Variants in ULBP1 observed in about 807,000 individuals in gnomAD.
ULBP1 encodes the protein UL16 binding protein 1.
Under a neutral mutation model 25.3 loss-of-function variants are expected in ULBP1, and 28 were observed. The observed-to-expected ratio is 1.10, with a 90% CI of 0.82 to 1.51. The LOEUF is 1.51. ULBP1 is among the 40% of genes most tolerant of loss of function. The probability of loss-of-function intolerance (pLI) is 0.00; values close to 1 mark genes in which losing one functional copy is unlikely to be tolerated. For missense variants in ULBP1, 348 were observed against 290.9 expected (o/e 1.20, Z -1.43); for synonymous variants, 129 against 103.0 (o/e 1.25, Z -1.53).
intron 4 of ULBP1, among the ~76,000 whole-genome samples, chr6:149,971,013 C>A (rs949151138): frequency 6.6e-6 from 1 of 152,232 alleles, no homozygotes; most frequent in Non-Finnish European, 1.5e-5. Context: ...TACAAGCCCA[C>A]CCAAGGCCAG....
intron 3 of ULBP1, among the ~76,000 whole-genome samples, 200 bp downstream of exon 3, chr6:149,969,560 C>T (rs1582827268): frequency 1.3e-5 from 2 of 152,088 alleles, no homozygotes; most frequent in Non-Finnish European, 2.9e-5. Context: ...TTCCTCACTG[C>T]ACCTGCTTCT....
chr6:149,972,506 T>C lies in ULBP1; in HGVS notation c.*1160T>C, dbSNP rs1257632741. On this transcript the variant is annotated 3_prime_UTR_variant, in exon 5 of 5. Coordinates refer to ENST00000229708, the MANE Select transcript of ULBP1 (RefSeq NM_025218.4). ...TGCAACAAAAACAGAAATTGACAAA[T>C]GGGGCCTCATTAAACTAAAGAGCTT... The C allele has an allele frequency of 6.6e-6, 1 of 151,980 alleles. No individual in the cohort carries two copies. Among genetic ancestry groups the C allele is most frequent in the Non-Finnish European group, 1.5e-5 (1 of 67,988 alleles). 9.4% of individuals were successfully genotyped at this position (151,980 alleles called of 1,614,324 possible). A position where few individuals can be genotyped will look rare whatever the true frequency, so the allele number is the denominator to read the frequency against.
rs1418770323 is a variant in ULBP1 at position 149,964,009 on chromosome 6, G to T, written c.-41G>T. 5 of 1,606,922 alleles carry T rather than the reference G, an allele frequency of 3.1e-6. No homozygotes were observed. Among genetic ancestry groups the T allele is most frequent in the Admixed American group, 1.7e-5 (1 of 59,858 alleles). On this transcript the variant is annotated 5_prime_UTR_variant, in exon 1 of 5. Transcript: ENST00000229708. ...ACAGCCGTGGTGTGAGCCTCGAAGG[G>T]AACCATCAGCGCCTCCTGTCCACGG...
At chr6:149,971,339 A>T (rs1222228161) in intron 4 of ULBP1, 30 bp from the exon 5 acceptor site, 1 of 985,330 alleles carries the variant, frequency 1.0e-6, no homozygotes, top group African/African-American at 1.7e-5. Flanking sequence ...TTTCTCAGCC[A>T]CTTAAACCAA....
intron 1 of ULBP1, 23 bp from the exon 2 acceptor site, chr6:149,968,584 C>A (rs770578070): frequency 6.3e-7 from 1 of 1,593,778 alleles, no homozygotes; most frequent in Non-Finnish European, 8.6e-7. Context: ...ACACCAACCC[C>A]CTCCTGTGTT....
chr6:149,971,553 C>T lies in ULBP1; in HGVS notation c.*207C>T, dbSNP rs373776259. The T allele has an allele frequency of 4.3e-6, 1 of 233,644 alleles. No homozygotes were observed. Among genetic ancestry groups the T allele is most frequent in the Non-Finnish European group, 7.0e-6 (1 of 143,426 alleles). The allele number at this position is 233,644 out of a possible 1,614,324, so 14.5% of individuals were successfully genotyped here. On this transcript the variant is annotated 3_prime_UTR_variant, in exon 5 of 5. Coordinates refer to ENST00000229708, the MANE Select transcript of ULBP1 (RefSeq NM_025218.4). ...CTCAACATCTCAGGCCACTCATTAC[C>T]TTCGCTCATGATCCCAGCAGCCATT...
In ULBP1 at chr6:149,971,424, T is replaced by A. The variant is rs1447131087; in HGVS notation, c.*78T>A. Reference sequence around the variant, plus strand: ...GCCTGGTCTGGGTCCTGCTCTCCCTTCAGGGAGGCCGCCTGTCTACTCACC... The same window carrying A: ...GCCTGGTCTGGGTCCTGCTCTCCCTACAGGGAGGCCGCCTGTCTACTCACC... On this transcript the variant is annotated 3_prime_UTR_variant, in exon 5 of 5. Transcript: ENST00000229708. 4 of 983,642 alleles carry A rather than the reference T, an allele frequency of 4.1e-6. No individual in the cohort carries two copies. Among genetic ancestry groups the A allele is most frequent in the Non-Finnish European group, 4.8e-6 (4 of 828,410 alleles). The allele number at this position is 983,642 out of a possible 1,614,324, so 60.9% of individuals were successfully genotyped here.
Position 149,964,026 on chromosome 6 carries a change from T to G in ULBP1, c.-24T>G. On this transcript the variant is annotated 5_prime_UTR_variant, in exon 1 of 5. Coordinates refer to ENST00000229708, the MANE Select transcript of ULBP1 (RefSeq NM_025218.4). ...CTCGAAGGGAACCATCAGCGCCTCCTGTCCACGGAGCTCCAGGTCTACAAT... is the reference window on the plus strand; with the variant it reads ...CTCGAAGGGAACCATCAGCGCCTCCGGTCCACGGAGCTCCAGGTCTACAAT... 2 of 1,613,342 alleles carry G rather than the reference T, an allele frequency of 1.2e-6. No individual in the cohort carries two copies. The highest frequency in any genetic ancestry group is 1.7e-6 in the Non-Finnish European group (2 of 1,179,696).
chr6:149,968,914 G>A, intron 2 of ULBP1, 44 bp downstream of exon 2: 2 of 1,584,100 alleles, frequency 1.3e-6, no homozygotes, highest in Non-Finnish European at 1.7e-6. Context: ...TAGTAACTTA[G>A]AGTCATTTAT....
intron 4 of ULBP1, among the ~76,000 whole-genome samples, chr6:149,971,037 A>G (rs1184556433): frequency 1.3e-5 from 2 of 152,336 alleles, no homozygotes; most frequent in African/African-American, 4.8e-5. Flanking sequence ...ACGTGGATAG[A>G]AAGAGCTCTC....
chr6:149,966,018 G>C (rs56363137), intron 1 of ULBP1, among the ~76,000 whole-genome samples: 45,013 of 151,542 alleles, frequency 0.3, 10,554 homozygotes, highest in African/African-American at 0.65. Context: ...TGGGAGCGCC[G>C]GTGAGTAGAG....
Position 149,971,463 on chromosome 6 carries a change from G to A in ULBP1, c.*117G>A. Reference sequence around the variant, plus strand: ...TGTCTACTCACCACTGTGCCTTTCTGGAAAGCAGGAGTTCAAGCCTTAGCA... The same window carrying A: ...TGTCTACTCACCACTGTGCCTTTCTAGAAAGCAGGAGTTCAAGCCTTAGCA... On this transcript the variant is annotated 3_prime_UTR_variant, in exon 5 of 5. Coordinates refer to ENST00000229708, the MANE Select transcript of ULBP1 (RefSeq NM_025218.4). 1.1e-6 allele frequency: 1 copy of A among 946,224 alleles called. No individual in the cohort carries two copies. Among genetic ancestry groups the A allele is most frequent in the Non-Finnish European group, 1.3e-6 (1 of 795,308 alleles). 58.6% of individuals were successfully genotyped at this position (946,224 alleles called of 1,614,324 possible).
At chr6:149,969,879 G>A (rs1486110169) in intron 3 of ULBP1, 137 bp from the exon 4 acceptor site, 3 of 1,178,460 alleles carry the variant, frequency 2.5e-6, no homozygotes, top group Non-Finnish European at 3.6e-6. Flanking sequence ...CCCAAGACTT[G>A]TCCCAGAGGT....
rs1304659334 is a variant in ULBP1, at chr6:149,971,875, A to T, written c.*529A>T. ...CATTCTGTCAACCATATTGAAGTGAAGTGGCATAGTCTTCACTCACTGTAA... is the reference window on the plus strand; with the variant it reads ...CATTCTGTCAACCATATTGAAGTGATGTGGCATAGTCTTCACTCACTGTAA... On this transcript the variant is annotated 3_prime_UTR_variant, in exon 5 of 5. Transcript: ENST00000229708. 2 of 152,194 alleles carry T rather than the reference A, an allele frequency of 1.3e-5. No individual in the cohort carries two copies. Among genetic ancestry groups the T allele is most frequent in the African/African-American group, 2.4e-5 (1 of 41,446 alleles). 9.4% of individuals were successfully genotyped at this position (152,194 alleles called of 1,614,324 possible). A position where few individuals can be genotyped will look rare whatever the true frequency, so the allele number is the denominator to read the frequency against.
chr6:149,965,880 C>T (rs2114707299), intron 1 of ULBP1, among the ~76,000 whole-genome samples: 1 of 152,218 alleles, frequency 6.6e-6, no homozygotes, highest in East Asian at 1.9e-4. Flanking sequence ...GGGCCCTTAG[C>T]ACCTCCCCCG....
chr6:149,966,205 C>A (rs1274565351), intron 1 of ULBP1, among the ~76,000 whole-genome samples: 1 of 152,192 alleles, frequency 6.6e-6, no homozygotes, highest in Non-Finnish European at 1.5e-5. Flanking sequence ...CAAGTCCTGT[C>A]CCTTTGTAGA....
rs950509162 is a variant in ULBP1 at position 149,964,039 on chromosome 6, C to T, written c.-11C>T. ...ATCAGCGCCTCCTGTCCACGGAGCT[C>T]CAGGTCTACAATGGCAGCGGCCGCC... is the stretch of plus-strand genomic sequence containing the variant. On this transcript the variant is annotated 5_prime_UTR_variant, in exon 1 of 5. Transcript: ENST00000229708. 1.2e-6 allele frequency: 2 copies of T among 1,614,074 alleles called. No homozygotes were observed. Among genetic ancestry groups the T allele is most frequent in the Admixed American group, 1.7e-5 (1 of 60,024 alleles).
Position 149,971,360 on chromosome 6 carries a change from T to G in ULBP1, c.*23-9T>G. On this transcript the variant is annotated splice_polypyrimidine_tract_variant and intron_variant, in intron 4 of 4. Coordinates refer to ENST00000229708, the MANE Select transcript of ULBP1 (RefSeq NM_025218.4). ...AGCCACTTAAACCAATGCTTCATCT[T>G]TTCTCAAGGTGGAAAGTGATATCAA... The G allele has an allele frequency of 1.0e-6, 1 of 985,454 alleles. No homozygotes were observed. The highest frequency in any genetic ancestry group is 1.2e-6 in the Non-Finnish European group (1 of 829,958). 61.0% of individuals were successfully genotyped at this position (985,454 alleles called of 1,614,324 possible).
At chr6:149,971,246 G>A in intron 4 of ULBP1, 123 bp from the exon 5 acceptor site, 2 of 685,008 alleles carry the variant, frequency 2.9e-6, no homozygotes, top group Non-Finnish European at 3.6e-6. Context: ...GTGTTGGAGG[G>A]AAAAGCATGT....
Sources: allele counts gnomAD v4.1 joint callset (sites outside exome capture counted in the v4.1 genomes callset), GRCh38; gene constraint gnomAD v4.1.1; transcripts MANE v1.5; gene names NCBI Gene and HGNC (gene_info 2026-07-23, HGNC 2026-07-21).